DHX30: variants seen among roughly 807,000 people sequenced by gnomAD.
DHX30 encodes the protein DExH-box helicase 30.
In DHX30, 4 loss-of-function variants were observed where a neutral mutation model predicts 116.9. The observed-to-expected ratio is 0.03, with a 90% CI of 0.02 to 0.08. The LOEUF is 0.08. DHX30 is among the 10% of genes least tolerant of loss of function. The pLI, the probability that DHX30 is intolerant of heterozygous loss-of-function variation, is 1.00. For missense variants in DHX30, 871 were observed against 1,595.1 expected, an observed-to-expected ratio of 0.55 and a Z score of 7.73; for synonymous variants, 697 against 651.7, an observed-to-expected ratio of 1.07 and a Z score of -1.06.
chr3:47,811,110 C>T (rs1027380916), intron 3 of DHX30, among the ~76,000 whole-genome samples: 3 of 151,736 alleles, frequency 2.0e-5, no homozygotes, highest in African/African-American at 7.3e-5. Context: ...CTGCCAAGCT[C>T]GGCTAATTCT....
chr3:47,840,888 G>A lies in DHX30; in HGVS notation c.378G>A (p.Leu126=), dbSNP rs756064736. ...CTTTTCCCCTCCAGGGTTGGGGTCT[G>A]CTAGGTCCCCGGAATGAGTTGTTTG... The part of the protein sequence containing the change: ...AACQLFKGWG[L]LGPRNELFDA... Residue 126 remains leucine (L), a synonymous_variant, in exon 7 of 22, where the codon CTG becomes CTA. Transcript: ENST00000445061. 2.5e-6 allele frequency: 4 copies of A among 1,614,186 alleles called. No homozygotes were observed. The South Asian group carries it at 4.4e-5, about 18-fold the overall frequency.
intron 3 of DHX30, among the ~76,000 whole-genome samples, chr3:47,815,723 CAAAAAAAAAAA>C (rs11349970): frequency 9.6e-5 from 2 of 20,758 alleles, no homozygotes; most frequent in East Asian, 1.9e-3. Flanking sequence ...TAAAAAAGAG[CAAAAAAAAAAA>C]AAAAAAAAAA....
intron 6 of DHX30, among the ~76,000 whole-genome samples, chr3:47,839,171 G>C (rs1330065948): frequency 6.6e-6 from 1 of 151,552 alleles, no homozygotes; most frequent in African/African-American, 2.4e-5. Context: ...ATTTTCTGTA[G>C]AAAAGCATGA....
chr3:47,822,898 C>A (rs2036361504), intron 4 of DHX30, among the ~76,000 whole-genome samples: 1 of 152,030 alleles, frequency 6.6e-6, no homozygotes, highest in Non-Finnish European at 1.5e-5. Context: ...TCGAGACCAT[C>A]CTGGCTAACA....
chr3:47,848,023 C>T lies in DHX30; in HGVS notation c.2286+67C>T, dbSNP rs1425294484. On this transcript the variant is annotated intron_variant, in intron 14 of 21. Coordinates refer to ENST00000445061, the MANE Select transcript of DHX30 (RefSeq NM_138615.3). The surrounding 1 kb of genome is among the most constrained non-coding windows in gnomAD (Gnocchi z 9.4). ...GACTCCGTTTTGAGGTGGTCCCCAG[C>T]CCAGATCTACCTTAGACCTGCTTTG... 1 of 1,597,360 alleles carries T rather than the reference C, an allele frequency of 6.3e-7. No individual in the cohort carries two copies. The highest frequency in any genetic ancestry group is 2.2e-5 in the East Asian group (1 of 44,664).
intron 4 of DHX30, chr3:47,825,020 T>C: frequency 1.6e-6 from 1 of 640,074 alleles, no homozygotes; most frequent in Non-Finnish European, 2.8e-6. Context: ...CGCACAGGCC[T>C]CGGGGTCGGC....
intron 7 of DHX30, 23 bp downstream of exon 7, chr3:47,841,201 C>T (rs1308686024): frequency 1.2e-6 from 2 of 1,609,860 alleles, no homozygotes; most frequent in East Asian, 2.2e-5. Flanking sequence ...GATGGGGATG[C>T]AGCAGAGGCT....
At position 47,850,036 on chromosome 3, in the gene DHX30, G is replaced by A. The variant is rs1450044789; in HGVS notation, c.3501G>A (p.Glu1167=). 1.2e-6 allele frequency: 2 copies of A among 1,606,282 alleles called. No homozygotes were observed. Among genetic ancestry groups the A allele is most frequent in the South Asian group, 1.1e-5 (1 of 90,344 alleles). Residue 1167 remains glutamate, a synonymous_variant, in exon 22 of 22, where the codon GAG becomes GAA. Coordinates refer to ENST00000445061, the MANE Select transcript of DHX30 (RefSeq NM_138615.3). ...CACTTCCCCCCAGCGTACAGGAGGA[G>A]CACGGGCAGCTGCTTGCGCTACTGG... ...LAALPPSVQE[E]HGQLLALLAE...
rs368342218 is a variant in DHX30 at position 47,818,042 on chromosome 3, C to T, written c.49C>T (p.Arg17Cys). The T allele has an allele frequency of 1.0e-5, 8 of 780,902 alleles. No individual in the cohort carries two copies. The highest frequency in any genetic ancestry group is 2.7e-5 in the South Asian group (2 of 74,628). 48.4% of individuals were successfully genotyped at this position (780,902 alleles called of 1,614,324 possible). A position where few individuals can be genotyped will look rare whatever the true frequency, so the allele number is the denominator to read the frequency against. Residue 17 changes from arginine to cysteine, a missense_variant, in exon 4 of 22, where the codon CGT becomes TGT. This residue lies in a region of DHX30 where 66 missense variants were observed against 153.9 expected (regional missense o/e 0.43). Transcript: ENST00000445061. ...CCCAGATCGGGCCCAGCACAGGCAG[C>T]GTCAGTGCAAACTTCCCCCACCCCG... ...FRKDRAQHRQ[R>C]QCKLPPPRLP...
At position 47,849,298 on chromosome 3, in the gene DHX30, G is replaced by A. The variant is rs1284276431; in HGVS notation, c.3036G>A (p.Glu1012=). The change falls in exon 19 of 22, where the codon GAG becomes GAA. Residue 1012 remains glutamate (E), a synonymous_variant. Transcript: ENST00000445061. ...AGTGCAACGAGTACAGTGAGGAGGAGGAGCTGGTGAAGGGCGTGCTGATGG... is the reference window on the plus strand; with the variant it reads ...AGTGCAACGAGTACAGTGAGGAGGAAGAGCTGGTGAAGGGCGTGCTGATGG... ...SAQCNEYSEE[E]ELVKGVLMAG... is the part of the protein sequence containing the mutation. 1.9e-6 allele frequency: 3 copies of A among 1,614,146 alleles called. No individual in the cohort carries two copies. Among genetic ancestry groups the A allele is most frequent in the Non-Finnish European group, 2.5e-6 (3 of 1,180,034 alleles).
At chr3:47,834,644 G>A (rs182776671) in intron 6 of DHX30, among the ~76,000 whole-genome samples, 3 of 152,066 alleles carry the variant, frequency 2.0e-5, no homozygotes, top group Admixed American at 6.6e-5. Flanking sequence ...TAATTTTGTA[G>A]AGATGGGGTC....
intron 4 of DHX30, among the ~76,000 whole-genome samples, chr3:47,825,494 T>C (rs191207718): frequency 6.6e-6 from 1 of 151,336 alleles, no homozygotes; most frequent in Admixed American, 6.6e-5. Context: ...CTCGAGGGAG[T>C]GGGGAAAACG....
intron 3 of DHX30, chr3:47,816,119 G>GT: frequency 1.0e-6 from 1 of 984,430 alleles, no homozygotes; most frequent in African/African-American, 1.7e-5. Flanking sequence ...CACGTCTGCT[G>GT]TAACTCTATG....
chr3:47,803,258 C>G (rs1011210704), intron 1 of DHX30, 46 bp downstream of exon 1: 5 of 391,548 alleles, frequency 1.3e-5, no homozygotes, highest in African/African-American at 8.3e-5. Flanking sequence ...TCTTGAGGAG[C>G]CTGCCGCGGC....
chr3:47,842,091 A>AAATGC (rs2037400847), intron 8 of DHX30: 2 of 212,104 alleles, frequency 9.4e-6, no homozygotes, highest in Non-Finnish European at 1.9e-5. Flanking sequence ...CCTTGTTTTT[A>AAATGC]CTTTAACTCG....
chr3:47,815,429 T>C (rs2036006624), intron 3 of DHX30, among the ~76,000 whole-genome samples: 1 of 152,140 alleles, frequency 6.6e-6, no homozygotes, highest in Non-Finnish European at 1.5e-5. Flanking sequence ...GTTTCAGAGA[T>C]GCTTCTTGGT....
At chr3:47,822,089 A>G (rs1382645821) in intron 4 of DHX30, 1 of 152,210 alleles carries the variant, frequency 6.6e-6, no homozygotes, top group Non-Finnish European at 1.5e-5. Flanking sequence ...AAAACTTTCT[A>G]ACAACAGGCA....
intron 6 of DHX30, among the ~76,000 whole-genome samples, chr3:47,840,415 C>T (rs555405392): frequency 3.5e-4 from 53 of 151,602 alleles, no homozygotes; most frequent in Non-Finnish European, 6.2e-4. Context: ...GAGGCCAAGG[C>T]GGGCGGATCT....
intron 10 of DHX30, 133 bp downstream of exon 10, chr3:47,845,985 C>T: frequency 6.8e-7 from 1 of 1,463,082 alleles, no homozygotes; most frequent in South Asian, 1.3e-5. Flanking sequence ...CCTGGGATCC[C>T]CCTGGCCTGA....
Sources: gnomAD v4.1 joint callset for allele counts (sites outside exome capture counted in the v4.1 genomes callset) on GRCh38, gnomAD v4.1.1 for gene constraint, gnomAD v4.1.1 regional missense constraint, Gnocchi (gnomAD v3.1) non-coding constraint, MANE v1.5 for transcripts, NCBI Gene and HGNC (gene_info 2026-07-23, HGNC 2026-07-21) for gene names.